Variants in WWTR1 observed in about 807,000 individuals in gnomAD.
WWTR1 encodes the protein WW domain containing transcription regulator 1.
WWTR1 carries 13 observed loss-of-function variants against 40.1 expected under a neutral mutation model. The observed-to-expected ratio is 0.32, with a 90% CI of 0.21 to 0.52. The LOEUF (loss-of-function observed/expected upper bound fraction) is 0.52. Among genes scored for constraint, WWTR1 ranks in the 20% least tolerant of loss-of-function variants. The probability of loss-of-function intolerance (pLI) is 0.97; values close to 1 mark genes in which losing one functional copy is unlikely to be tolerated. For missense variants in WWTR1, 436 were observed against 523.1 expected, an observed-to-expected ratio of 0.83 and a Z score of 1.63; for synonymous variants, 230 against 210.1, an observed-to-expected ratio of 1.09 and a Z score of -0.82.
rs185674089 is a variant in WWTR1 at position 149,663,452 on chromosome 3, T to G, written c.-3-6143A>C. ...GGCTCACGTCTGTAATCCTAGCACT[T>G]TGGGAGGCCAAGGCAGGCAGATCAC... On this transcript the variant is annotated intron_variant, in intron 2 of 7. Transcript: ENST00000465804. Among the ~76,000 whole-genome samples, 577 of 152,052 alleles carry G rather than the reference T, an allele frequency of 3.8e-3. 5 individuals are homozygous for G. Among genetic ancestry groups the G allele is most frequent in the African/African-American group, 0.013 (546 of 41,510 alleles).
At chr3:149,562,199 G>A (rs1737113620) in intron 3 of WWTR1, among the ~76,000 whole-genome samples, 1 of 151,996 alleles carries the variant, frequency 6.6e-6, no homozygotes, top group Admixed American at 6.6e-5. Flanking sequence ...GGAGGCTGAA[G>A]CAGGAGAATG....
chr3:149,550,757 A>C (rs1736583237), intron 3 of WWTR1, among the ~76,000 whole-genome samples: 1 of 110,012 alleles, frequency 9.1e-6, no homozygotes, highest in African/African-American at 3.8e-5. Flanking sequence ...CAAGGGTTAT[A>C]AAAGACTGCT....
rs780553230 is a variant in WWTR1, at chr3:149,656,764, TTCTC to T, written c.431+108_431+111del. 2,014 of 465,194 alleles carry T rather than the reference TTCTC, an allele frequency of 4.3e-3. 6 individuals carry two copies. The highest frequency in any genetic ancestry group is 0.02 in the East Asian group (220 of 11,016). 28.8% of individuals were successfully genotyped at this position (465,194 alleles called of 1,614,324 possible). On this transcript the variant is annotated intron_variant, in intron 2 of 6. Coordinates refer to ENST00000360632, the MANE Select transcript of WWTR1 (RefSeq NM_015472.6). The stretch of plus-strand genomic sequence containing the variant: ...GGAAGGACACGCACCATCTCTCTCT[TTCTC>T]TCTCTCTCTCTCTCTCTCTCTCTCA...
intron 3 of WWTR1, among the ~76,000 whole-genome samples, chr3:149,556,778 T>C (rs558803157): frequency 6.2e-4 from 94 of 152,208 alleles, no homozygotes; most frequent in Non-Finnish European, 4.1e-4. Flanking sequence ...GAGATTCTGA[T>C]CCCAAGCAAA....
chr3:149,699,400 T>G (rs574255181), intron 1 of WWTR1, among the ~76,000 whole-genome samples: 12 of 151,980 alleles, frequency 7.9e-5, no homozygotes, highest in Non-Finnish European at 1.5e-4. Context: ...TTCAAGTGAT[T>G]CTCCTGCCTC....
chr3:149,620,076 C>T (rs1011149555), intron 2 of WWTR1, among the ~76,000 whole-genome samples: 1 of 152,272 alleles, frequency 6.6e-6, no homozygotes, highest in Middle Eastern at 3.4e-3. Flanking sequence ...TAGAAAAACG[C>T]TTTCTTAAAT....
intron 5 of WWTR1, among the ~76,000 whole-genome samples, chr3:149,712,259 T>A (rs533535868): frequency 6.6e-6 from 1 of 152,308 alleles, no homozygotes; most frequent in South Asian, 2.1e-4. Flanking sequence ...GAATAGCCAC[T>A]GTACTCCAGC....
chr3:149,694,709 GT>G (rs1281795391), intron 1 of WWTR1, among the ~76,000 whole-genome samples: 1 of 152,230 alleles, frequency 6.6e-6, no homozygotes, highest in Non-Finnish European at 1.5e-5. Flanking sequence ...CTCATACACT[GT>G]TGGTGAGAAT....
intron 3 of WWTR1, among the ~76,000 whole-genome samples, chr3:149,564,722 G>C (rs1221733510): frequency 6.6e-6 from 1 of 152,096 alleles, no homozygotes; most frequent in African/African-American, 2.4e-5. Context: ...CTGTCCTCAA[G>C]AAGCTTAGTC....
intron 5 of WWTR1, among the ~76,000 whole-genome samples, chr3:149,708,898 C>T (rs940219445): frequency 3.9e-5 from 6 of 152,138 alleles, no homozygotes. Context: ...TACTGTTTTC[C>T]ATAGCTGTAG....
At chr3:149,617,119 T>A (rs1348549819) in intron 2 of WWTR1, among the ~76,000 whole-genome samples, 1 of 152,238 alleles carries the variant, frequency 6.6e-6, no homozygotes, top group Non-Finnish European at 1.5e-5. Context: ...CACCCAGTTT[T>A]ACCTCCCGCT....
intron 1 of WWTR1, among the ~76,000 whole-genome samples, chr3:149,676,023 T>C (rs1714246327): frequency 6.6e-6 from 1 of 152,170 alleles, no homozygotes; most frequent in African/African-American, 2.4e-5. Context: ...AAAATTTCAA[T>C]GCAGAAGTTA....
chr3:149,687,749 C>T (rs1457495584), intron 1 of WWTR1, among the ~76,000 whole-genome samples: 1 of 152,114 alleles, frequency 6.6e-6, no homozygotes, highest in African/African-American at 2.4e-5. Flanking sequence ...CTTTGTCTTG[C>T]AATTTGGGTA....
intron 4 of WWTR1, chr3:149,540,277 G>T (rs1054321342): frequency 4.4e-6 from 2 of 456,654 alleles, no homozygotes; most frequent in Non-Finnish European, 4.4e-6. Flanking sequence ...AAGGAACTTG[G>T]TTGGCATTTC....
chr3:149,641,146 G>A (rs1712148674), intron 2 of WWTR1, among the ~76,000 whole-genome samples: 1 of 152,034 alleles, frequency 6.6e-6, no homozygotes, highest in East Asian at 1.9e-4. Flanking sequence ...TACTGTCACT[G>A]TACAAAACAG....
intron 3 of WWTR1, among the ~76,000 whole-genome samples, chr3:149,545,383 T>G (rs1736317732): frequency 6.6e-6 from 1 of 152,206 alleles, no homozygotes; most frequent in Non-Finnish European, 1.5e-5. Context: ...AAGTATGTTC[T>G]TACTAGTAGT....
At chr3:149,650,298 A>T (rs1268484817) in intron 2 of WWTR1, 2 of 152,278 alleles carry the variant, frequency 1.3e-5, no homozygotes, top group African/African-American at 4.8e-5. Flanking sequence ...TTGGCATGAG[A>T]CAGCATGGCA....
chr3:149,706,304 A>G (rs2108227623), upstream of WWTR1, among the ~76,000 whole-genome samples: 1 of 152,304 alleles, frequency 6.6e-6, no homozygotes, highest in East Asian at 1.9e-4. Flanking sequence ...AAACCTTAGT[A>G]TTTCTACTAA....
At chr3:149,636,891 G>A (rs943253591) in intron 2 of WWTR1, among the ~76,000 whole-genome samples, 1 of 150,314 alleles carries the variant, frequency 6.7e-6, no homozygotes, top group Non-Finnish European at 1.5e-5. Context: ...TTGAACCCAG[G>A]GGGCAGAGGT....
Sources: gnomAD v4.1 joint callset for allele counts (sites outside exome capture counted in the v4.1 genomes callset) on GRCh38, gnomAD v4.1.1 for gene constraint, MANE v1.5 for transcripts, NCBI Gene and HGNC (gene_info 2026-07-23, HGNC 2026-07-21) for gene names.